Variants in GLCCI1 observed in about 807,000 individuals in gnomAD.
GLCCI1 encodes glucocorticoid induced 1, also known as glucocorticoid-induced transcript 1 protein.
Under a neutral mutation model 52.2 loss-of-function variants are expected in GLCCI1, and 24 were observed. The ratio of observed to expected loss-of-function variants is 0.46; its 90% CI spans 0.33 to 0.65. GLCCI1 has a LOEUF of 0.65. GLCCI1 is among the 30% of genes least tolerant of loss of function. The pLI is 0.02. For missense variants in GLCCI1, 704 were observed against 701.5 expected (o/e 1.00, Z -0.04); for synonymous variants, 310 against 276.5 (o/e 1.12, Z -1.20).
intron 6 of GLCCI1, among the ~76,000 whole-genome samples, chr7:8,078,374 G>GGCAAGATAAGTAGCCATGTTAA (rs1782920588): frequency 6.6e-6 from 1 of 151,946 alleles, no homozygotes; most frequent in East Asian, 1.9e-4. Context: ...GCAGTAGGAG[G>GGCAAGATAAGTAGCCATGTTAA]GCAAGATAAG....
chr7:8,084,794 A>C (rs1272066949), intron 6 of GLCCI1, 103 bp from the exon 7 acceptor site: 7 of 1,131,448 alleles, frequency 6.2e-6, no homozygotes, highest in Non-Finnish European at 6.4e-6. Context: ...TGGTCAAAGC[A>C]TAGGGGCAGT....
intron 5 of GLCCI1, among the ~76,000 whole-genome samples, chr7:8,061,891 T>C (rs1782524327): frequency 6.6e-6 from 1 of 151,942 alleles, no homozygotes; most frequent in Admixed American, 6.6e-5. Context: ...GGTCTCGAAC[T>C]CCTCACCTCA....
At position 7,977,967 on chromosome 7, in the gene GLCCI1, A is replaced by G. The variant is rs115349546; in HGVS notation, c.457+8160A>G. Among the ~76,000 whole-genome samples the G allele has an allele frequency of 8.1e-3, 1,229 of 152,294 alleles. 21 individuals are homozygous for G. Among genetic ancestry groups the G allele is most frequent in the African/African-American group, 0.028 (1,170 of 41,540 alleles). ...TGGGGCAGGAAAGTATGCACAATGT[A>G]TTATCCCACTGCTTATACAGTTAAG... On this transcript the variant is annotated intron_variant, in intron 1 of 7. Transcript: ENST00000223145.
intron 1 of GLCCI1, among the ~76,000 whole-genome samples, chr7:7,983,263 G>A (rs1562416074): frequency 6.6e-6 from 1 of 152,056 alleles, no homozygotes; most frequent in African/African-American, 2.4e-5. Context: ...AAATAGGGAG[G>A]TATAGGAAAA....
chr7:8,010,833 G>A (rs1420396728), intron 2 of GLCCI1, among the ~76,000 whole-genome samples: 1 of 151,994 alleles, frequency 6.6e-6, no homozygotes, highest in African/African-American at 2.4e-5. Flanking sequence ...ACACAGAGAT[G>A]GAATCATACT....
intron 3 of GLCCI1, among the ~76,000 whole-genome samples, chr7:8,041,167 T>G (rs1781990615): frequency 6.6e-6 from 1 of 152,198 alleles, no homozygotes; most frequent in South Asian, 2.1e-4. Flanking sequence ...GCATTATTGC[T>G]GACACGGAGA....
intron 4 of GLCCI1, among the ~76,000 whole-genome samples, chr7:8,058,811 C>T (rs1245916090): frequency 1.3e-5 from 2 of 152,152 alleles, no homozygotes; most frequent in East Asian, 3.8e-4. Flanking sequence ...CTTTTGGGTT[C>T]CCAAAAACTT....
At chr7:8,020,665 T>G (rs1243918518) in intron 2 of GLCCI1, among the ~76,000 whole-genome samples, 1 of 152,184 alleles carries the variant, frequency 6.6e-6, no homozygotes, top group Non-Finnish European at 1.5e-5. Flanking sequence ...AATGTTGATT[T>G]TGAATAATTG....
intron 2 of GLCCI1, among the ~76,000 whole-genome samples, chr7:8,007,241 C>T (rs75861769): frequency 0.016 from 2,495 of 152,172 alleles, 23 homozygotes; most frequent in Non-Finnish European, 0.027. Context: ...AGATGAGGAA[C>T]CTGAGGCTTA....
At position 8,084,880 on chromosome 7, in the gene GLCCI1, CT is replaced by C. The variant is rs1460970673; in HGVS notation, c.1178-16del. 3 of 1,609,274 alleles carry C rather than the reference CT, an allele frequency of 1.9e-6. No individual in the cohort carries two copies. The highest frequency in any genetic ancestry group is 4.5e-5 in the East Asian group (2 of 44,864). On this transcript the variant is annotated splice_polypyrimidine_tract_variant and intron_variant, in intron 6 of 7. Transcript: ENST00000223145. ...AGCTTTCAATCACTAGTTAATATAA[CT>C]GCTTTAAATTTACAGACAGTGGGAG...
Position 8,049,940 on chromosome 7 carries a change from AAATTT to A in GLCCI1, c.697-5492_697-5488del, listed in dbSNP as rs1378071114. 7.2e-5 allele frequency among the ~76,000 whole-genome samples: 11 copies of A among 152,370 alleles called. No individual in the cohort carries two copies. In the South Asian group the frequency reaches 1.4e-3, roughly 20 times the overall value. On this transcript the variant is annotated intron_variant, in intron 3 of 7. Transcript: ENST00000223145. ...AGATGGATTTGTGAACAGTGTTTTTAAATTTTAGTCTGGTATTAAAATGTCTCTTG... is the reference window on the plus strand; with the variant it reads ...AGATGGATTTGTGAACAGTGTTTTTATAGTCTGGTATTAAAATGTCTCTTG...
chr7:7,993,170 AT>A (rs1297497051), intron 1 of GLCCI1, among the ~76,000 whole-genome samples: 3 of 151,536 alleles, frequency 2.0e-5, no homozygotes, highest in Admixed American at 6.6e-5. Flanking sequence ...TCTGTTGTTC[AT>A]TTTTTTTAAG....
intron 5 of GLCCI1, 123 bp from the exon 6 acceptor site, chr7:8,070,798 G>T: frequency 1.3e-6 from 1 of 777,640 alleles, no homozygotes; most frequent in Admixed American, 2.6e-5. Context: ...TTGGTCTTTA[G>T]CCTTTGAAGA....
At position 8,086,205 on chromosome 7, in the gene GLCCI1, T is replaced by C. The variant is rs763416895; in HGVS notation, c.1311T>C (p.Pro437=). 31 of 1,611,652 alleles carry C rather than the reference T, an allele frequency of 1.9e-5. No individual in the cohort carries two copies. The highest frequency in any genetic ancestry group is 2.5e-5 in the Non-Finnish European group (30 of 1,179,332). The change falls in exon 8 of 8, where the codon CCT becomes CCC. Residue 437 remains proline, a synonymous_variant. Transcript: ENST00000223145. This position sits in a 1 kb window ranked among gnomAD's most constrained non-coding sequence, Gnocchi z 4.4. ...KVFEEMASRQ[P]ISAPLFSCPD... Reference sequence around the variant, plus strand: ...TTTATGGTTTTAGGTCTCGTCAGCCTATCTCGGCCCCTCTCTTTTCATGTC... The same window carrying C: ...TTTATGGTTTTAGGTCTCGTCAGCCCATCTCGGCCCCTCTCTTTTCATGTC...
At chr7:8,068,435 A>G (rs1782681320) in intron 5 of GLCCI1, among the ~76,000 whole-genome samples, 1 of 152,298 alleles carries the variant, frequency 6.6e-6, no homozygotes, top group Middle Eastern at 3.4e-3. Flanking sequence ...CTATTCTGCT[A>G]TTAATATTTG....
At chr7:8,054,186 CTTTTT>C (rs557790879) in intron 3 of GLCCI1, among the ~76,000 whole-genome samples, 15 of 151,952 alleles carry the variant, frequency 9.9e-5, no homozygotes, top group Non-Finnish European at 2.1e-4. Flanking sequence ...AATCCTATTT[CTTTTT>C]TATCATAGAG....
At chr7:8,004,381 A>G (rs73242046) in intron 2 of GLCCI1, 8,054 of 179,774 alleles carry the variant, frequency 0.045, 506 homozygotes, top group African/African-American at 0.14. Context: ...TTTTTTAAGA[A>G]GAGTTTGCAC....
chr7:7,987,379 C>G (rs1257321358), intron 1 of GLCCI1, among the ~76,000 whole-genome samples: 1 of 152,174 alleles, frequency 6.6e-6, no homozygotes, highest in South Asian at 2.1e-4. Flanking sequence ...TTTGAATATT[C>G]AAAGCACTGT....
intron 1 of GLCCI1, among the ~76,000 whole-genome samples, chr7:7,970,825 A>G (rs1330333148): frequency 6.6e-6 from 1 of 152,200 alleles, no homozygotes; most frequent in East Asian, 1.9e-4. Flanking sequence ...CTAGAGCTAC[A>G]GATGCTGCTG....
Sources: allele counts gnomAD v4.1 joint callset (sites outside exome capture counted in the v4.1 genomes callset), GRCh38; gene constraint gnomAD v4.1.1; non-coding constraint Gnocchi (gnomAD v3.1); transcripts MANE v1.5; gene names NCBI Gene and HGNC (gene_info 2026-07-23, HGNC 2026-07-21).